LCOR: variants seen among roughly 807,000 people sequenced by gnomAD.
LCOR encodes ligand-dependent corepressor.
In LCOR, 14 loss-of-function variants were observed where a neutral mutation model predicts 64.4. That is an observed-to-expected ratio of 0.22 (90% confidence interval 0.14 to 0.34). The LOEUF is 0.34. Among genes scored for constraint, LCOR ranks in the 10% least tolerant of loss-of-function variants. The probability of loss-of-function intolerance (pLI) is 1.00; values close to 1 mark genes in which losing one functional copy is unlikely to be tolerated. For missense variants in LCOR, 1,686 were observed against 1,765.3 expected (o/e 0.96, Z 0.80); for synonymous variants, 643 against 642.5 (o/e 1.00, Z -0.01).
intron 2 of LCOR, among the ~76,000 whole-genome samples, chr10:96,861,061 G>A (rs568107608): frequency 3.3e-5 from 5 of 152,200 alleles, no homozygotes; most frequent in East Asian, 1.9e-4. Flanking sequence ...CACCTTTAAG[G>A]TTGGCTGGAC....
chr10:96,885,553 A>ATTTTT (rs144687202), intron 2 of LCOR, among the ~76,000 whole-genome samples: 2 of 117,782 alleles, frequency 1.7e-5, no homozygotes, highest in Admixed American at 8.8e-5. Context: ...GGCTAATTGA[A>ATTTTT]TTTTTTTTTT....
intron 7 of LCOR, chr10:96,955,477 G>A (rs1242693733): frequency 6.2e-7 from 1 of 1,614,150 alleles, no homozygotes; most frequent in South Asian, 1.1e-5. Context: ...CAAACGGAGA[G>A]CGCGCTTAGT....
chr10:96,910,419 A>G (rs948284415), intron 4 of LCOR, among the ~76,000 whole-genome samples: 1 of 152,232 alleles, frequency 6.6e-6, no homozygotes, highest in Non-Finnish European at 1.5e-5. Flanking sequence ...AGACAGTCAT[A>G]CATCTGTAAT....
chr10:96,880,505 C>G (rs972508412), intron 2 of LCOR, among the ~76,000 whole-genome samples: 2 of 152,198 alleles, frequency 1.3e-5, no homozygotes, highest in African/African-American at 2.4e-5. Context: ...TCAAGCGATT[C>G]TCGTGCCTTA....
chr10:96,847,860 A>G (rs1845659127), intron 2 of LCOR, among the ~76,000 whole-genome samples: 1 of 152,200 alleles, frequency 6.6e-6, no homozygotes, highest in African/African-American at 2.4e-5. Context: ...AAAAAGAAAG[A>G]AACTGACACT....
chr10:96,916,032 T>C lies in LCOR; in HGVS notation c.-184+8285T>C, dbSNP rs924688878. ...CATTGAAAGTTTTTATTTATTCATT[T>C]ATTTATTTATTTATTTAGAGACGGA... On this transcript the variant is annotated intron_variant, in intron 4 of 7. Coordinates refer to ENST00000421806, the MANE Select transcript of LCOR (RefSeq NM_001346516.2). 5.5e-5 allele frequency: 9 copies of C among 164,782 alleles called. No homozygotes were observed. The South Asian group carries it at 6.3e-4, about 12-fold the overall frequency. 10.2% of individuals were successfully genotyped at this position (164,782 alleles called of 1,614,324 possible).
At chr10:96,914,161 G>A (rs554347010) in intron 4 of LCOR, among the ~76,000 whole-genome samples, 1 of 152,252 alleles carries the variant, frequency 6.6e-6, no homozygotes, top group South Asian at 2.1e-4. Flanking sequence ...AATATGCATT[G>A]TTTGGTTATA....
At chr10:96,881,911 TAGTC>T (rs1167337081) in intron 2 of LCOR, among the ~76,000 whole-genome samples, 11 of 152,234 alleles carry the variant, frequency 7.2e-5, no homozygotes, top group Admixed American at 6.5e-4. Context: ...CTATTTCTCT[TAGTC>T]TGTCTCTTTG....
chr10:96,890,082 T>C (rs879630251), intron 2 of LCOR, among the ~76,000 whole-genome samples: 2 of 152,054 alleles, frequency 1.3e-5, no homozygotes, highest in Non-Finnish European at 2.9e-5. Context: ...TTATTTTCTT[T>C]GTATGCGTGT....
At position 96,983,018 on chromosome 10, in the gene LCOR, C is replaced by G. The variant is rs1421650951; in HGVS notation, c.2558C>G (p.Ala853Gly). The G allele has an allele frequency of 6.2e-7, 1 of 1,613,788 alleles. No homozygotes were observed. Among genetic ancestry groups the G allele is most frequent in the East Asian group, 2.2e-5 (1 of 44,874 alleles). Residue 853 changes from alanine to glycine, a missense_variant, in exon 8 of 8, where the codon GCA (alanine) becomes GGA (glycine). Physicochemically the swap from Ala to Gly is moderately conservative, Grantham distance 60. Around this residue, in one of 3 missense-constraint regions of LCOR, gnomAD observed 1,293 missense variants for 1,410.4 expected, o/e 0.92. Transcript: ENST00000421806. The surrounding 1 kb of genome is among the most constrained non-coding windows in gnomAD (Gnocchi z 4.5). ...ATCAAAGTTCCTAAAAATCCTAGTGCAAAACGTTCAAAAAAAGAAGGGCAC... is the reference window on the plus strand; with the variant it reads ...ATCAAAGTTCCTAAAAATCCTAGTGGAAAACGTTCAAAAAAAGAAGGGCAC... ...LEIKVPKNPS[A>G]KRSKKEGHPG...
At chr10:96,885,463 C>CA (rs1846327136) in intron 2 of LCOR, among the ~76,000 whole-genome samples, 1 of 151,912 alleles carries the variant, frequency 6.6e-6, no homozygotes, top group Non-Finnish European at 1.5e-5. Context: ...CTCACTGTTC[C>CA]CTTGACCTCC....
chr10:96,890,520 A>G (rs974671449), intron 2 of LCOR, among the ~76,000 whole-genome samples: 1 of 152,194 alleles, frequency 6.6e-6, no homozygotes, highest in African/African-American at 2.4e-5. Context: ...AAGTAGTTTT[A>G]CTTGGTCTTT....
In LCOR at chr10:96,982,877, G is replaced by T. The variant is rs745516551; in HGVS notation, c.2417G>T (p.Gly806Val). Residue 806 changes from glycine (G) to valine (V), a missense_variant, in exon 8 of 8, where the codon GGT becomes GTT. Around this residue, in one of 3 missense-constraint regions of LCOR, gnomAD observed 1,293 missense variants for 1,410.4 expected, o/e 0.92. Transcript: ENST00000421806. ...LEENLDKKKK[G>V]KKFPEASDRC... ...GAGAATTTGGACAAGAAGAAAAAAGGTAAAAAATTCCCTGAGGCCTCTGAT... is the reference window on the plus strand; with the variant it reads ...GAGAATTTGGACAAGAAGAAAAAAGTTAAAAAATTCCCTGAGGCCTCTGAT... 1.1e-5 allele frequency: 17 copies of T among 1,613,914 alleles called. No individual in the cohort carries two copies. Among genetic ancestry groups the T allele is most frequent in the Admixed American group, 1.7e-5 (1 of 59,996 alleles).
intron 7 of LCOR, among the ~76,000 whole-genome samples, chr10:96,969,581 A>T (rs1029164114): frequency 6.6e-6 from 1 of 152,132 alleles, no homozygotes; most frequent in African/African-American, 2.4e-5. Context: ...TTGAACAATG[A>T]TCTAAGAGCT....
chr10:96,856,594 G>A (rs917573262), intron 2 of LCOR, among the ~76,000 whole-genome samples: 3 of 151,980 alleles, frequency 2.0e-5, no homozygotes, highest in Admixed American at 6.6e-5. Context: ...GCAGTGGTGT[G>A]ATCAGTGAGT....
At chr10:96,967,780 G>A (rs944226542) in intron 7 of LCOR, among the ~76,000 whole-genome samples, 1 of 152,138 alleles carries the variant, frequency 6.6e-6, no homozygotes, top group African/African-American at 2.4e-5. Context: ...TATGAAGTGT[G>A]TATGAATGTG....
At chr10:96,880,702 A>T (rs183788884) in intron 2 of LCOR, among the ~76,000 whole-genome samples, 88 of 152,276 alleles carry the variant, frequency 5.8e-4, no homozygotes, top group African/African-American at 2.1e-3. Flanking sequence ...CTGGCCAGTT[A>T]TCTGTCTTCT....
In LCOR at chr10:96,992,663, C is replaced by T. The variant is rs1848211214; in HGVS notation, c.*7529C>T. 1 of 152,270 alleles carries T rather than the reference C, an allele frequency of 6.6e-6. No individual in the cohort carries two copies. Among genetic ancestry groups the T allele is most frequent in the African/African-American group, 2.4e-5 (1 of 41,458 alleles). The allele number at this position is 152,270 out of a possible 1,614,324, so 9.4% of individuals were successfully genotyped here. On this transcript the variant is annotated 3_prime_UTR_variant, in exon 8 of 8. Coordinates refer to ENST00000421806, the MANE Select transcript of LCOR (RefSeq NM_001346516.2). ...TGTGCCCCACGCAGCCTACTTCTTG[C>T]ATGCACAGTTGGTACATTCAGCTGT... is the stretch of plus-strand genomic sequence containing the variant.
chr10:96,867,090 G>A (rs1034111659), intron 2 of LCOR, among the ~76,000 whole-genome samples: 9 of 151,722 alleles, frequency 5.9e-5, no homozygotes, highest in African/African-American at 1.9e-4. Flanking sequence ...AGGTTCAAGC[G>A]ATTCACCTGC....
Sources: gnomAD v4.1 joint callset for allele counts (sites outside exome capture counted in the v4.1 genomes callset) on GRCh38, gnomAD v4.1.1 for gene constraint, gnomAD v4.1.1 regional missense constraint, Gnocchi (gnomAD v3.1) non-coding constraint, MANE v1.5 for transcripts, NCBI Gene and HGNC (gene_info 2026-07-23, HGNC 2026-07-21) for gene names.